The following PIKFYVE variants were observed in gnomAD, a reference collection of about 807,000 sequenced individuals.
PIKFYVE encodes 1-phosphatidylinositol 3-phosphate 5-kinase.
Under a neutral mutation model 257.9 loss-of-function variants are expected in PIKFYVE, and 122 were observed. That is an observed-to-expected ratio of 0.47 (90% CI 0.41 to 0.55). PIKFYVE has a LOEUF of 0.55. Among genes scored for constraint, PIKFYVE ranks in the 20% least tolerant of loss-of-function variants. PIKFYVE has a pLI of 0.00. For missense variants in PIKFYVE, 2,160 were observed against 2,536.6 expected (o/e 0.85, Z 3.19); for synonymous variants, 892 against 868.9 (o/e 1.03, Z -0.47).
rs1559120696 is a variant in PIKFYVE at position 208,321,573 on chromosome 2, T to TTCTTTTC, written c.2190+1215_2190+1216insCTTTTCT. ...ACTTCTTTTTTCTTTTTCTTTTCTT[T>TTCTTTTC]TGTTTTTTTTTTTTTTTTTTTGAGA... On this transcript the variant is annotated intron_variant, in intron 17 of 41. Transcript: ENST00000264380. 2.2e-3 allele frequency among the ~76,000 whole-genome samples: 24 copies of TTCTTTTC among 10,764 alleles called. 6 individuals are homozygous for TTCTTTTC. Among genetic ancestry groups the TTCTTTTC allele is most frequent in the Non-Finnish European group, 6.6e-3 (13 of 1,976 alleles). The allele number at this position is 10,764 out of a possible 152,430, so 7.1% of individuals were successfully genotyped here.
intron 2 of PIKFYVE, among the ~76,000 whole-genome samples, 193 bp downstream of exon 2, chr2:208,271,884 A>G (rs1239352898): frequency 3.3e-5 from 5 of 152,206 alleles, no homozygotes; most frequent in African/African-American, 1.2e-4. Flanking sequence ...CTGAAGAGAA[A>G]GCTAGAATTT....
rs750063250 is a variant in PIKFYVE, at chr2:208,357,715, T to C, written c.*2410T>C. 4 of 152,358 alleles carry C rather than the reference T, an allele frequency of 2.6e-5. No homozygotes were observed. Among genetic ancestry groups the C allele is most frequent in the Non-Finnish European group, 1.5e-5 (1 of 68,030 alleles). The allele number at this position is 152,358 out of a possible 1,614,324, so 9.4% of individuals were successfully genotyped here. A position where few individuals can be genotyped will look rare whatever the true frequency, so the allele number is the denominator to read the frequency against. ...CTTGTTTAGGCCACTATCATAGATA[T>C]ATTTCAAATATTGTACTACTCAGTG... On this transcript the variant is annotated 3_prime_UTR_variant, in exon 42 of 42. Coordinates refer to ENST00000264380, the MANE Select transcript of PIKFYVE (RefSeq NM_015040.4).
chr2:208,305,144 C>T, intron 12 of PIKFYVE, 131 bp downstream of exon 12: 1 of 1,545,354 alleles, frequency 6.5e-7, no homozygotes, highest in Non-Finnish European at 8.7e-7. Context: ...TTTTGTTCTA[C>T]CCTTTCTCAT....
At chr2:208,313,460 C>G (rs990518773) in intron 13 of PIKFYVE, among the ~76,000 whole-genome samples, 1 of 147,672 alleles carries the variant, frequency 6.8e-6, no homozygotes, top group Non-Finnish European at 1.5e-5. Flanking sequence ...ACTTTCTACA[C>G]TGTCATCTGT....
In PIKFYVE at chr2:208,358,588, C is replaced by A. The variant is rs1164340209; in HGVS notation, c.*3283C>A. The A allele has an allele frequency of 6.6e-6, 1 of 151,896 alleles. No individual in the cohort carries two copies. Among genetic ancestry groups the A allele is most frequent in the Non-Finnish European group, 1.5e-5 (1 of 67,814 alleles). The allele number at this position is 151,896 out of a possible 1,614,324, so 9.4% of individuals were successfully genotyped here. A position where few individuals can be genotyped will look rare whatever the true frequency, so the allele number is the denominator to read the frequency against. On this transcript the variant is annotated 3_prime_UTR_variant, in exon 42 of 42. Coordinates refer to ENST00000264380, the MANE Select transcript of PIKFYVE (RefSeq NM_015040.4). ...TCTTTTAATTTAATATGAAAAATGCCACTATATTGAAAGTACTTAATGTAT... is the reference window on the plus strand; with the variant it reads ...TCTTTTAATTTAATATGAAAAATGCAACTATATTGAAAGTACTTAATGTAT...
At chr2:208,302,156 A>G in intron 9 of PIKFYVE, 86 bp from the exon 10 acceptor site, 1 of 1,200,700 alleles carries the variant, frequency 8.3e-7, no homozygotes, top group South Asian at 1.3e-5. Context: ...GAACTGAAAA[A>G]AAATATTTTA....
intron 31 of PIKFYVE, 113 bp downstream of exon 31, chr2:208,340,244 T>C (rs926870897): frequency 2.3e-5 from 31 of 1,368,502 alleles, no homozygotes; most frequent in Non-Finnish European, 2.8e-5. Context: ...CTAAATTTTA[T>C]TTCATTTTAG....
At chr2:208,299,889 C>T (rs1439098450) in intron 8 of PIKFYVE, among the ~76,000 whole-genome samples, 1 of 152,162 alleles carries the variant, frequency 6.6e-6, no homozygotes, top group East Asian at 1.9e-4. Context: ...TGGTGGCATG[C>T]ACGTGTAGTC....
At chr2:208,286,742 A>G (rs933411269) in intron 6 of PIKFYVE, among the ~76,000 whole-genome samples, 4 of 147,480 alleles carry the variant, frequency 2.7e-5, no homozygotes, top group Admixed American at 2.7e-4. Flanking sequence ...GCTGTCTTGA[A>G]CTCCTGGCTT....
At chr2:208,283,780 C>G (rs2125123026) in intron 5 of PIKFYVE, among the ~76,000 whole-genome samples, 2 of 152,234 alleles carry the variant, frequency 1.3e-5, no homozygotes, top group Admixed American at 1.3e-4. Flanking sequence ...TGTGGGGTCT[C>G]ACCATGTAGC....
chr2:208,312,429 G>C, intron 13 of PIKFYVE, 134 bp downstream of exon 13: 1 of 702,534 alleles, frequency 1.4e-6, no homozygotes, highest in Non-Finnish European at 2.4e-6. Context: ...TGGGAACACA[G>C]TTTTTAATAT....
At chr2:208,320,448 A>G (rs770979068) in intron 17 of PIKFYVE, 89 bp downstream of exon 17, 92 of 1,519,806 alleles carry the variant, frequency 6.1e-5, no homozygotes, top group Non-Finnish European at 8.2e-5. Context: ...ACTTAATTCT[A>G]GCTAATTAAA....
intron 8 of PIKFYVE, among the ~76,000 whole-genome samples, chr2:208,299,432 G>A (rs761846016): frequency 2.0e-5 from 3 of 152,108 alleles, no homozygotes; most frequent in Non-Finnish European, 2.9e-5. Flanking sequence ...TGGGACTACA[G>A]GCATGTGCCA....
chr2:208,351,080 T>C, intron 37 of PIKFYVE, 133 bp downstream of exon 37: 1 of 1,252,258 alleles, frequency 8.0e-7, no homozygotes, highest in Non-Finnish European at 1.1e-6. Flanking sequence ...GAGGTGTTTA[T>C]AAAGTTTTAT....
chr2:208,346,654 T>A lies in PIKFYVE; in HGVS notation c.5209+507T>A, dbSNP rs1699261500. 2.0e-5 allele frequency among the ~76,000 whole-genome samples: 3 copies of A among 152,234 alleles called. No homozygotes were observed. In the South Asian group the frequency reaches 6.2e-4, roughly 31 times the overall value. On this transcript the variant is annotated intron_variant, in intron 34 of 41. Coordinates refer to ENST00000264380, the MANE Select transcript of PIKFYVE (RefSeq NM_015040.4). ...GCTGGAGCTGGGATTTGAATTTGTG[T>A]TTCTCTGACTTTGTCAGGAACACAT...
At chr2:208,332,757 A>ATG (rs554748394) in intron 23 of PIKFYVE, among the ~76,000 whole-genome samples, 71 of 151,862 alleles carry the variant, frequency 4.7e-4, no homozygotes, top group African/African-American at 1.4e-3. Flanking sequence ...ATATATGTAT[A>ATG]TGTGTGTGTG....
chr2:208,277,410 T>C (rs2125060670), intron 4 of PIKFYVE, 127 bp from the exon 5 acceptor site: 1 of 988,542 alleles, frequency 1.0e-6, no homozygotes, highest in Non-Finnish European at 1.6e-6. Flanking sequence ...TTTTGACCTT[T>C]CGTATTCCCA....
intron 16 of PIKFYVE, among the ~76,000 whole-genome samples, chr2:208,319,049 C>T (rs937718758): frequency 6.6e-6 from 1 of 151,860 alleles, no homozygotes; most frequent in Non-Finnish European, 1.5e-5. Context: ...GTAGTGTTCT[C>T]AAACCTTGCT....
Position 208,317,757 on chromosome 2 carries a change from T to C in PIKFYVE, c.2008-110T>C. On this transcript the variant is annotated intron_variant, in intron 15 of 41. Transcript: ENST00000264380. ...TATTTCCTGAAATTTTTTGTTCTTA[T>C]TTGATTACATAATAGTTTAAAAAAA... is the stretch of plus-strand genomic sequence containing the variant. 2.9e-6 allele frequency: 3 copies of C among 1,048,814 alleles called. No individual in the cohort carries two copies. The South Asian group carries it at 3.9e-5, about 14-fold the overall frequency. 65.0% of individuals were successfully genotyped at this position (1,048,814 alleles called of 1,614,324 possible). A position where few individuals can be genotyped will look rare whatever the true frequency, so the allele number is the denominator to read the frequency against.
Sources: allele counts gnomAD v4.1 joint callset (sites outside exome capture counted in the v4.1 genomes callset), GRCh38; gene constraint gnomAD v4.1.1; transcripts MANE v1.5; gene names NCBI Gene and HGNC (gene_info 2026-07-23, HGNC 2026-07-21).